SLC4A4: variants seen among roughly 807,000 people sequenced by gnomAD.
The protein encoded by SLC4A4 is electrogenic sodium bicarbonate cotransporter 1.
SLC4A4 carries 27 observed loss-of-function variants against 111.5 expected under a neutral mutation model. The observed-to-expected ratio is 0.24, with a 90% CI of 0.18 to 0.33. The LOEUF is 0.33. Among genes scored for constraint, SLC4A4 ranks in the 10% least tolerant of loss-of-function variants. The pLI is 1.00. For synonymous variants in SLC4A4, 443 were observed against 463.4 expected, an observed-to-expected ratio of 0.96 and a Z score of 0.57; for missense variants, 909 against 1,315.5, an observed-to-expected ratio of 0.69 and a Z score of 4.78.
intron 3 of SLC4A4, among the ~76,000 whole-genome samples, chr4:71,332,575 G>T (rs1237290700): frequency 6.6e-6 from 1 of 151,812 alleles, no homozygotes; most frequent in African/African-American, 2.4e-5. Context: ...CTCCCGAGTA[G>T]CTGGGACTAC....
intron 16 of SLC4A4, among the ~76,000 whole-genome samples, chr4:71,526,408 A>G (rs1578115723): frequency 6.6e-6 from 1 of 152,074 alleles, no homozygotes; most frequent in Admixed American, 6.6e-5. Flanking sequence ...GTTAAGCAAC[A>G]CTATTAATAG....
At chr4:71,467,830 A>G (rs776022590) in intron 13 of SLC4A4, among the ~76,000 whole-genome samples, 3 of 152,106 alleles carry the variant, frequency 2.0e-5, no homozygotes, top group Admixed American at 6.6e-5. Flanking sequence ...GCAGATCTCA[A>G]TCCTTAGGTA....
chr4:71,318,192 T>C (rs896813570), intron 3 of SLC4A4, among the ~76,000 whole-genome samples: 2 of 152,142 alleles, frequency 1.3e-5, no homozygotes, highest in African/African-American at 2.4e-5. Flanking sequence ...CCAAATAACA[T>C]TGGAAAGCCA....
At chr4:71,420,093 A>T (rs1722283479) in intron 7 of SLC4A4, among the ~76,000 whole-genome samples, 1 of 152,232 alleles carries the variant, frequency 6.6e-6, no homozygotes, top group African/African-American at 2.4e-5. Context: ...TTTGAAACAA[A>T]TTTAGACGAA....
At chr4:71,464,684 G>A (rs186285332) in intron 12 of SLC4A4, among the ~76,000 whole-genome samples, 41 of 152,114 alleles carry the variant, frequency 2.7e-4, no homozygotes, top group African/African-American at 8.0e-4. Flanking sequence ...TTTATCCACC[G>A]TCATCCCAAC....
Position 71,408,261 on chromosome 4 carries a change from A to G in SLC4A4, c.807+10608A>G, listed in dbSNP as rs534439292. Among the ~76,000 whole-genome samples, 4 of 152,328 alleles carry G rather than the reference A, an allele frequency of 2.6e-5. No individual in the cohort carries two copies. The East Asian group carries it at 5.8e-4, about 22-fold the overall frequency. On this transcript the variant is annotated intron_variant, in intron 7 of 25. Coordinates refer to ENST00000264485, the MANE Select transcript of SLC4A4 (RefSeq NM_001098484.3). Reference sequence around the variant, plus strand: ...TAGCTTTGAAGACTTAAGTAAGCATAGTAAACCTTAACTCTTCTGAACTTC... The same window carrying G: ...TAGCTTTGAAGACTTAAGTAAGCATGGTAAACCTTAACTCTTCTGAACTTC...
chr4:71,443,114 CTCTATATATATATATATATATATA>C (rs1724898770), intron 8 of SLC4A4, among the ~76,000 whole-genome samples: 2 of 90,296 alleles, frequency 2.2e-5, no homozygotes, highest in Non-Finnish European at 4.1e-5. Context: ...CTCTCTCTCT[CTCTATATATATATATATATATATA>C]TATATATATA....
At chr4:71,420,505 G>A (rs1292038588) in intron 7 of SLC4A4, among the ~76,000 whole-genome samples, 2 of 151,908 alleles carry the variant, frequency 1.3e-5, no homozygotes, top group African/African-American at 2.4e-5. Flanking sequence ...GATACTCCTC[G>A]AGAAGAGCAA....
intron 6 of SLC4A4, among the ~76,000 whole-genome samples, chr4:71,385,254 A>G (rs1212912295): frequency 8.3e-6 from 1 of 120,216 alleles, no homozygotes; most frequent in Non-Finnish European, 1.6e-5. Context: ...GCTGGAGTGC[A>G]GTGGCATGAT....
chr4:71,276,310 C>T (rs149849515), intron 3 of SLC4A4, among the ~76,000 whole-genome samples: 10 of 151,746 alleles, frequency 6.6e-5, no homozygotes, highest in Non-Finnish European at 1.3e-4. Context: ...TGTGTGACAT[C>T]GTATGATGTG....
At chr4:71,360,077 C>T (rs1186104072) in intron 6 of SLC4A4, among the ~76,000 whole-genome samples, 1 of 152,102 alleles carries the variant, frequency 6.6e-6, no homozygotes, top group African/African-American at 2.4e-5. Flanking sequence ...TATAAACATA[C>T]AATTTAATAA....
chr4:71,385,487 C>G (rs957570626), intron 6 of SLC4A4, among the ~76,000 whole-genome samples: 1 of 151,960 alleles, frequency 6.6e-6, no homozygotes, highest in South Asian at 2.1e-4. Flanking sequence ...CGTGAGCCAT[C>G]ACGCCCAGCC....
At chr4:71,332,607 G>A (rs866694923) in intron 3 of SLC4A4, among the ~76,000 whole-genome samples, 53 of 152,192 alleles carry the variant, frequency 3.5e-4, no homozygotes, top group Middle Eastern at 3.4e-3. Context: ...ACTGCGCCCG[G>A]CTAATTTTTT....
intron 2 of SLC4A4, among the ~76,000 whole-genome samples, chr4:71,145,224 G>A (rs1427222543): frequency 6.6e-6 from 1 of 152,082 alleles, no homozygotes; most frequent in East Asian, 1.9e-4. Flanking sequence ...TTTTGTCTTT[G>A]GTTCGTTTAT....
intron 1 of SLC4A4, among the ~76,000 whole-genome samples, chr4:71,216,554 T>A (rs1718440437): frequency 6.6e-6 from 1 of 152,196 alleles, no homozygotes; most frequent in Admixed American, 6.5e-5. Flanking sequence ...CTTGATGATT[T>A]CTTTCCTTGA....
At position 71,105,798 on chromosome 4, in the gene SLC4A4, A is replaced by G. The variant is rs796454634; in HGVS notation, c.-2+13006A>G. Among the ~76,000 whole-genome samples the G allele has an allele frequency of 8.6e-3, 908 of 106,124 alleles. 9 individuals carry two copies. The highest frequency in any genetic ancestry group is 0.037 in the East Asian group (132 of 3,560). The allele number at this position is 106,124 out of a possible 152,430, so 69.6% of individuals were successfully genotyped here. A position where few individuals can be genotyped will look rare whatever the true frequency, so the allele number is the denominator to read the frequency against. On this transcript the variant is annotated intron_variant, in intron 2 of 26. Transcript: ENST00000649996. Reference sequence around the variant, plus strand: ...AAGATGGATTAAAGACTTAAACATTAGACCTAAAACCATAAAAACCCTAGA... The same window carrying G: ...AAGATGGATTAAAGACTTAAACATTGGACCTAAAACCATAAAAACCCTAGA...
chr4:71,433,642 A>G (rs1207285281), intron 7 of SLC4A4, among the ~76,000 whole-genome samples: 1 of 152,058 alleles, frequency 6.6e-6, no homozygotes, highest in Admixed American at 6.6e-5. Context: ...GTTTAATTAG[A>G]TCCCGTTTGT....
At chr4:71,423,542 A>G (rs1722775633) in intron 7 of SLC4A4, among the ~76,000 whole-genome samples, 1 of 152,184 alleles carries the variant, frequency 6.6e-6, no homozygotes, top group African/African-American at 2.4e-5. Flanking sequence ...AGTCAATCCT[A>G]AGCCAAAAGA....
At chr4:71,261,840 G>T (rs1721875573) in intron 3 of SLC4A4, among the ~76,000 whole-genome samples, 1 of 152,148 alleles carries the variant, frequency 6.6e-6, no homozygotes, top group Non-Finnish European at 1.5e-5. Flanking sequence ...TGATGTTGTT[G>T]CTATTTATAG....
Sources: gnomAD v4.1 joint callset for allele counts (sites outside exome capture counted in the v4.1 genomes callset) on GRCh38, gnomAD v4.1.1 for gene constraint, MANE v1.5 for transcripts, NCBI Gene and HGNC (gene_info 2026-07-23, HGNC 2026-07-21) for gene names.